The following NEK11 variants were observed in gnomAD, a reference collection of about 807,000 sequenced individuals.
NEK11 encodes NIMA related kinase 11, also known as serine/threonine-protein kinase Nek11.
NEK11 carries 72 observed loss-of-function variants against 80.7 expected under a neutral mutation model. The ratio of observed to expected loss-of-function variants is 0.89; its 90% confidence interval spans 0.74 to 1.08. The LOEUF is 1.08. Ranked by LOEUF, NEK11 falls within the 50% of genes least tolerant of loss-of-function variation. NEK11 has a pLI of 0.00. For missense variants in NEK11, 764 were observed against 763.6 expected (o/e 1.00, Z -0.01); for synonymous variants, 251 against 260.7 (o/e 0.96, Z 0.36).
chr3:131,314,379 G>A (rs771487468), intron 17 of NEK11, among the ~76,000 whole-genome samples: 3 of 152,136 alleles, frequency 2.0e-5, no homozygotes, highest in Non-Finnish European at 2.9e-5. Context: ...CAAATCTTTT[G>A]AGAAAATCCT....
intron 7 of NEK11, among the ~76,000 whole-genome samples, chr3:131,136,574 G>A (rs2718862): frequency 0.82 from 124,139 of 152,142 alleles, 50,737 homozygotes; most frequent in East Asian, 0.86. Flanking sequence ...CCTAATACTA[G>A]TTATGTTTTC....
intron 3 of NEK11, among the ~76,000 whole-genome samples, chr3:131,044,422 C>CAAAAAAAAAAAAAAAA (rs57412173): frequency 1.1e-4 from 4 of 37,764 alleles, no homozygotes; most frequent in African/African-American, 4.6e-4. Context: ...AAATGGAAAG[C>CAAAAAAAAAAAAAAAA]AAAAAAAAAA....
chr3:131,163,411 A>T (rs546276440), intron 11 of NEK11, among the ~76,000 whole-genome samples: 91 of 152,338 alleles, frequency 6.0e-4, no homozygotes, highest in African/African-American at 2.0e-3. Flanking sequence ...ATTTAGCCTT[A>T]AAAAAGAAGG....
At chr3:131,130,277 A>G (rs752600805) in intron 5 of NEK11, among the ~76,000 whole-genome samples, 1 of 152,014 alleles carries the variant, frequency 6.6e-6, no homozygotes, top group Non-Finnish European at 1.5e-5. Context: ...TTGTGTATCA[A>G]CCTTGTATTC....
At chr3:131,272,124 T>C (rs1486123012) in intron 16 of NEK11, among the ~76,000 whole-genome samples, 1 of 152,064 alleles carries the variant, frequency 6.6e-6, no homozygotes, top group Non-Finnish European at 1.5e-5. Context: ...AGAAAAAGTT[T>C]TACTAATATG....
chr3:131,275,965 A>C (rs1308025349), intron 17 of NEK11, among the ~76,000 whole-genome samples: 2 of 152,244 alleles, frequency 1.3e-5, no homozygotes, highest in African/African-American at 4.8e-5. Context: ...GCCATGAGCC[A>C]AATAGATGAT....
intron 17 of NEK11, among the ~76,000 whole-genome samples, chr3:131,315,340 T>C (rs2096825915): frequency 1.3e-5 from 2 of 152,158 alleles, no homozygotes; most frequent in African/African-American, 4.8e-5. Context: ...TTTTCTTTTT[T>C]TAGATTCCGA....
At chr3:131,042,431 G>C (rs2066657011) in intron 3 of NEK11, among the ~76,000 whole-genome samples, 1 of 152,050 alleles carries the variant, frequency 6.6e-6, no homozygotes, top group Admixed American at 6.6e-5. Context: ...TGGGGGGAGG[G>C]GTGTTCACCA....
chr3:131,196,434 A>C (rs1281373088), intron 14 of NEK11, among the ~76,000 whole-genome samples: 1 of 152,232 alleles, frequency 6.6e-6, no homozygotes, highest in Non-Finnish European at 1.5e-5. Flanking sequence ...GAATAACTTC[A>C]TATTCTTGGA....
At chr3:131,271,767 C>T (rs1380188958) in intron 16 of NEK11, among the ~76,000 whole-genome samples, 1 of 151,728 alleles carries the variant, frequency 6.6e-6, no homozygotes, top group Non-Finnish European at 1.5e-5. Flanking sequence ...TGCACTCCAG[C>T]CTGGGCAACA....
At chr3:131,277,900 G>A (rs2096325162) in intron 17 of NEK11, among the ~76,000 whole-genome samples, 2 of 152,332 alleles carry the variant, frequency 1.3e-5, no homozygotes, top group South Asian at 4.1e-4. Flanking sequence ...AATGCACTAA[G>A]AATAGTTTAT....
chr3:131,125,545 G>A (rs1167710034), intron 5 of NEK11, among the ~76,000 whole-genome samples: 1 of 151,944 alleles, frequency 6.6e-6, no homozygotes, highest in Non-Finnish European at 1.5e-5. Flanking sequence ...AGTGACAGTG[G>A]TTAGGTTTCC....
intron 4 of NEK11, 163 bp from the exon 5 acceptor site, chr3:131,109,640 G>T: frequency 2.9e-6 from 2 of 695,696 alleles, no homozygotes. Flanking sequence ...AGTGCTCAAA[G>T]GAACCTGGAT....
At chr3:131,080,721 TGCAGC>T in intron 4 of NEK11, 133 bp downstream of exon 4, 1 of 724,786 alleles carries the variant, frequency 1.4e-6, no homozygotes, top group Non-Finnish European at 2.2e-6. Flanking sequence ...TCCCATGTCT[TGCAGC>T]TAAGAATGAT....
intron 3 of NEK11, among the ~76,000 whole-genome samples, chr3:131,052,175 G>T (rs1577476684): frequency 9.6e-5 from 12 of 125,406 alleles, no homozygotes; most frequent in African/African-American, 1.8e-4. Flanking sequence ...ACAATATCTT[G>T]GAGATATTTC....
intron 4 of NEK11, among the ~76,000 whole-genome samples, chr3:131,084,412 A>G (rs566791793): frequency 1.2e-4 from 18 of 152,222 alleles, no homozygotes; most frequent in Admixed American, 1.2e-3. Context: ...GAATCCTTCT[A>G]CCTGTTGTAT....
In NEK11 at chr3:131,215,450, G is replaced by GAA. The variant is rs2094801700; in HGVS notation, c.1400-13076_1400-13075dup. The stretch of plus-strand genomic sequence containing the variant: ...AAAAATATATAAAAAAAAAAGAAAA[G>GAA]AAAGATATTGTCTACCATGGGGGTG... On this transcript the variant is annotated intron_variant, in intron 14 of 17. Transcript: ENST00000383366. Among the ~76,000 whole-genome samples, 2 of 152,022 alleles carry GAA rather than the reference G, an allele frequency of 1.3e-5. 1 individual carries two copies. The highest frequency in any genetic ancestry group is 4.8e-5 in the African/African-American group (2 of 41,400).
intron 5 of NEK11, among the ~76,000 whole-genome samples, chr3:131,111,863 ATGT>A (rs972193987): frequency 6.6e-6 from 1 of 152,184 alleles, no homozygotes; most frequent in East Asian, 1.9e-4. Context: ...GCTCTATGTA[ATGT>A]TGTTGTTATA....
At chr3:131,094,560 C>G (rs887366298) in intron 4 of NEK11, among the ~76,000 whole-genome samples, 1 of 152,172 alleles carries the variant, frequency 6.6e-6, no homozygotes, top group Non-Finnish European at 1.5e-5. Flanking sequence ...TGCTTTATAA[C>G]TTGTCCAGTG....
Sources: allele counts gnomAD v4.1 joint callset (sites outside exome capture counted in the v4.1 genomes callset), GRCh38; gene constraint gnomAD v4.1.1; transcripts MANE v1.5; gene names NCBI Gene and HGNC (gene_info 2026-07-23, HGNC 2026-07-21).